Variants in ECPAS observed in about 807,000 individuals in gnomAD.
ECPAS encodes Ecm29 proteasome adaptor and scaffold, also known as proteasome adapter and scaffold protein ECM29.
Under a neutral mutation model 255.1 loss-of-function variants are expected in ECPAS, and 70 were observed. That is an observed-to-expected ratio of 0.27 (90% CI 0.23 to 0.33). The LOEUF is 0.33. Ranked by LOEUF, ECPAS falls within the 10% of genes least tolerant of loss-of-function variation. ECPAS has a pLI of 1.00. For missense variants in ECPAS, 1,817 were observed against 2,206.4 expected (o/e 0.82, Z 3.54); for synonymous variants, 784 against 775.0 (o/e 1.01, Z -0.19).
chr9:111,396,285 CAT>C (rs2098167521), intron 25 of ECPAS, among the ~76,000 whole-genome samples: 3 of 152,000 alleles, frequency 2.0e-5, no homozygotes, highest in Non-Finnish European at 2.9e-5. Context: ...ATATATAAAA[CAT>C]AAAGTCAGAA....
At chr9:111,454,309 A>AG (rs2098264128) in intron 2 of ECPAS, among the ~76,000 whole-genome samples, 1 of 17,746 alleles carries the variant, frequency 5.6e-5, no homozygotes, top group Non-Finnish European at 1.1e-4. Context: ...GTGGGGGGAG[A>AG]TGGGGGGGTG....
intron 2 of ECPAS, among the ~76,000 whole-genome samples, chr9:111,467,050 A>G (rs1467043471): frequency 6.6e-6 from 1 of 152,252 alleles, no homozygotes; most frequent in Non-Finnish European, 1.5e-5. Flanking sequence ...ACTTCAGCAC[A>G]TTCTTCAGAT....
chr9:111,428,060 C>A lies in ECPAS; in HGVS notation c.1032G>T (p.Thr344=), dbSNP rs767265219. The change falls in exon 10 of 50, where the codon ACG becomes ACT. Residue 344 remains threonine, a synonymous_variant. Coordinates refer to ENST00000684092, the MANE Select transcript of ECPAS (RefSeq NM_001364929.1). The stretch of plus-strand genomic sequence containing the variant: ...AAATTACCTGAATGTTGGCTGGGAA[C>A]GTTTCAGCAGCTTGTCTAGAGCGGA... The part of the protein sequence containing the change: ...HLLRSRQAAE[T]FPANIQVVYD... The A allele has an allele frequency of 1.2e-6, 2 of 1,613,246 alleles. No individual in the cohort carries two copies. The highest frequency in any genetic ancestry group is 3.3e-5 in the Admixed American group (2 of 59,890).
At chr9:111,440,963 G>T (rs553146116) in intron 5 of ECPAS, among the ~76,000 whole-genome samples, 3 of 151,496 alleles carry the variant, frequency 2.0e-5, no homozygotes, top group East Asian at 3.9e-4. Context: ...AGGAGATCGA[G>T]ACCATGGTGA....
chr9:111,422,239 T>G, intron 13 of ECPAS, 39 bp from the exon 14 acceptor site: 1 of 1,579,956 alleles, frequency 6.3e-7, no homozygotes, highest in Non-Finnish European at 8.7e-7. Flanking sequence ...TATCATAAAT[T>G]TCCAAGAGAT....
At position 111,442,291 on chromosome 9, in the gene ECPAS, T is replaced by C. The variant is rs368065250; in HGVS notation, c.389+15A>G. ...CTCCTGTAGGAGGGAAATTAGTTAATTGAGGAAATCATACCTATCCTGCTG... is the reference window on the plus strand; with the variant it reads ...CTCCTGTAGGAGGGAAATTAGTTAACTGAGGAAATCATACCTATCCTGCTG... On this transcript the variant is annotated intron_variant, in intron 5 of 49. Coordinates refer to ENST00000684092, the MANE Select transcript of ECPAS (RefSeq NM_001364929.1). 3.3e-5 allele frequency: 50 copies of C among 1,516,256 alleles called. No individual in the cohort carries two copies. Among genetic ancestry groups the C allele is most frequent in the Admixed American group, 1.1e-4 (6 of 55,478 alleles). The allele number at this position is 1,516,256 out of a possible 1,614,324, so 93.9% of individuals were successfully genotyped here. A position where few individuals can be genotyped will look rare whatever the true frequency, so the allele number is the denominator to read the frequency against.
chr9:111,386,335 T>A, intron 32 of ECPAS, 42 bp downstream of exon 32: 2 of 1,252,102 alleles, frequency 1.6e-6, no homozygotes, highest in South Asian at 2.6e-5. Context: ...GGGAAAAAAA[T>A]TCAGTTTTAT....
chr9:111,365,738 T>C (rs2098119670), intron 48 of ECPAS: 1 of 152,780 alleles, frequency 6.5e-6, no homozygotes, highest in South Asian at 2.1e-4. Context: ...CGATAAACAT[T>C]TGATTTAAAA....
rs1334269350 is a variant in ECPAS at position 111,484,308 on chromosome 9, C to T, written c.-275G>A. The T allele has an allele frequency of 3.8e-6, 6 of 1,575,696 alleles. No homozygotes were observed. The highest frequency in any genetic ancestry group is 5.2e-6 in the Non-Finnish European group (6 of 1,162,548). On this transcript the variant is annotated 5_prime_UTR_variant, in exon 1 of 50. Coordinates refer to ENST00000684092, the MANE Select transcript of ECPAS (RefSeq NM_001364929.1). ...CGAGGCGGGGCCGGAGCGCCCTTTT[C>T]CGAGGTCTGCGGCTGTCACGTTGGC... is the stretch of plus-strand genomic sequence containing the variant.
intron 44 of ECPAS, 44 bp downstream of exon 44, chr9:111,370,678 G>A (rs550394670): frequency 5.0e-5 from 81 of 1,604,730 alleles, no homozygotes; most frequent in Admixed American, 1.4e-4. Context: ...TGCAGTTTTC[G>A]GGTCCAGTTT....
chr9:111,394,106 C>A (rs2098164198), intron 26 of ECPAS, 54 bp downstream of exon 26: 1 of 1,501,146 alleles, frequency 6.7e-7, no homozygotes. Flanking sequence ...GCTTTCCTTG[C>A]TACTTATAAT....
chr9:111,418,084 A>G, intron 16 of ECPAS, 78 bp from the exon 17 acceptor site: 1 of 1,336,006 alleles, frequency 7.5e-7, no homozygotes, highest in Non-Finnish European at 1.0e-6. Flanking sequence ...AAGAACAGCA[A>G]TTTTATTTGG....
intron 18 of ECPAS, 53 bp from the exon 19 acceptor site, chr9:111,414,704 G>A: frequency 6.9e-7 from 1 of 1,454,232 alleles, no homozygotes; most frequent in South Asian, 1.2e-5. Flanking sequence ...AAGTCAGTGT[G>A]GGAAGGTACT....
At chr9:111,454,319 G>A (rs1328201498) in intron 2 of ECPAS, among the ~76,000 whole-genome samples, 1 of 147,724 alleles carries the variant, frequency 6.8e-6, no homozygotes, top group Non-Finnish European at 1.5e-5. Context: ...ATGGGGGGGT[G>A]GGGTGCGGCG....
chr9:111,400,329 T>G (rs1193170959), intron 24 of ECPAS, among the ~76,000 whole-genome samples: 5 of 152,200 alleles, frequency 3.3e-5, no homozygotes, highest in African/African-American at 1.2e-4. Context: ...AAGACTGGAA[T>G]AAATATTTAA....
At position 111,399,540 on chromosome 9, in the gene ECPAS, C is replaced by T. The variant is rs1166057283; in HGVS notation, c.2653-2387G>A. 2.0e-5 allele frequency among the ~76,000 whole-genome samples: 3 copies of T among 152,360 alleles called. No individual in the cohort carries two copies. In the East Asian group the frequency reaches 5.8e-4, roughly 29 times the overall value. ...AGTGCCCAAGGAGGGAGCACTTAGACCAAATCTGGGCCAGAGGGGAATCAG... is the reference window on the plus strand; with the variant it reads ...AGTGCCCAAGGAGGGAGCACTTAGATCAAATCTGGGCCAGAGGGGAATCAG... On this transcript the variant is annotated intron_variant, in intron 24 of 49. Transcript: ENST00000684092.
chr9:111,419,284 T>C (rs553869922), intron 16 of ECPAS, among the ~76,000 whole-genome samples: 10 of 152,106 alleles, frequency 6.6e-5, no homozygotes, highest in Non-Finnish European at 1.2e-4. Context: ...GAAAAACATA[T>C]ACAAGAATCT....
intron 3 of ECPAS, among the ~76,000 whole-genome samples, chr9:111,449,218 AG>A: frequency 6.6e-6 from 1 of 152,298 alleles, no homozygotes; most frequent in East Asian, 1.9e-4. Context: ...ATCTAAAAAA[AG>A]AAATAATTTG....
intron 7 of ECPAS, 66 bp downstream of exon 7, chr9:111,436,874 T>C: frequency 7.4e-7 from 1 of 1,360,020 alleles, no homozygotes; most frequent in South Asian, 1.5e-5. Context: ...TTTTATACGG[T>C]TCATGAACTT....
Sources: gnomAD v4.1 joint callset for allele counts (sites outside exome capture counted in the v4.1 genomes callset) on GRCh38, gnomAD v4.1.1 for gene constraint, MANE v1.5 for transcripts, NCBI Gene and HGNC (gene_info 2026-07-23, HGNC 2026-07-21) for gene names.